The following PCNX2 variants were observed in gnomAD, a reference collection of about 807,000 sequenced individuals.
PCNX2 encodes pecanex-like protein 2.
In PCNX2, 168 loss-of-function variants were observed where a neutral mutation model predicts 223.8. That is an observed-to-expected ratio of 0.75 (90% CI 0.66 to 0.85). PCNX2 has a LOEUF of 0.85. PCNX2 is among the 40% of genes least tolerant of loss of function. The pLI is 0.00. For missense variants in PCNX2, 2,507 were observed against 2,675.5 expected (o/e 0.94, Z 1.39); for synonymous variants, 1,006 against 1,052.6 (o/e 0.96, Z 0.86).
intron 25 of PCNX2, among the ~76,000 whole-genome samples, chr1:233,037,153 A>G (rs967303230): frequency 1.3e-5 from 2 of 152,202 alleles, no homozygotes; most frequent in Admixed American, 6.5e-5. Flanking sequence ...AAGACAGGGA[A>G]ACAGAGTGCT....
the PCNX2 span, among the ~76,000 whole-genome samples, chr1:233,323,439 G>A: frequency 6.6e-6 from 1 of 152,190 alleles, no homozygotes; most frequent in African/African-American, 2.4e-5. Flanking sequence ...TGCAGATACT[G>A]CATTTTTTAC....
intron 6 of PCNX2, 24 bp downstream of exon 6, chr1:233,252,617 C>A (rs745943736): frequency 1.2e-6 from 2 of 1,602,058 alleles, no homozygotes; most frequent in Admixed American, 3.5e-5. Context: ...CCAAGTGAAA[C>A]TAAATTAAGT....
At chr1:233,267,088 G>A (rs376404735) in intron 1 of PCNX2, among the ~76,000 whole-genome samples, 1 of 152,194 alleles carries the variant, frequency 6.6e-6, no homozygotes, top group African/African-American at 2.4e-5. Flanking sequence ...GGAGGCCAAG[G>A]TGGGCGGATC....
At chr1:233,214,383 G>T (rs1244798191) in intron 12 of PCNX2, among the ~76,000 whole-genome samples, 1 of 152,156 alleles carries the variant, frequency 6.6e-6, no homozygotes, top group Non-Finnish European at 1.5e-5. Context: ...GCTGCATTCA[G>T]ATATGAACCC....
At chr1:233,130,272 G>A (rs1315252335) in intron 21 of PCNX2, among the ~76,000 whole-genome samples, 2 of 152,120 alleles carry the variant, frequency 1.3e-5, no homozygotes, top group East Asian at 3.9e-4. Flanking sequence ...GTGAGACCAA[G>A]AACCCACCAA....
At chr1:233,208,383 A>T in intron 13 of PCNX2, 135 bp downstream of exon 13, 2 of 941,930 alleles carry the variant, frequency 2.1e-6, no homozygotes, top group Non-Finnish European at 3.1e-6. Flanking sequence ...AGTCTTCGGT[A>T]GATATGCAAG....
At chr1:233,177,490 C>T (rs1558312789) in intron 17 of PCNX2, among the ~76,000 whole-genome samples, 1 of 152,172 alleles carries the variant, frequency 6.6e-6, no homozygotes, top group Non-Finnish European at 1.5e-5. Context: ...ACCCTGTCTC[C>T]TTTGTTTGGT....
chr1:233,075,051 T>G (rs958955048), intron 23 of PCNX2, among the ~76,000 whole-genome samples: 1 of 152,150 alleles, frequency 6.6e-6, no homozygotes, highest in African/African-American at 2.4e-5. Flanking sequence ...AAAAAAATAC[T>G]ACATTATGAG....
intron 32 of PCNX2, among the ~76,000 whole-genome samples, chr1:232,989,767 G>C (rs1407087510): frequency 6.6e-6 from 1 of 152,198 alleles, no homozygotes. Context: ...CAGAAAGTTC[G>C]GGGTGGGTAC....
intron 1 of PCNX2, 104 bp from the exon 2 acceptor site, chr1:233,263,267 A>ATT: frequency 1.0e-6 from 1 of 956,842 alleles, no homozygotes; most frequent in Non-Finnish European, 1.5e-6. Context: ...TAAATTAGGC[A>ATT]AGATTTCAAA....
intron 23 of PCNX2, among the ~76,000 whole-genome samples, chr1:233,065,000 TA>T (rs1341020555): frequency 6.6e-6 from 1 of 152,200 alleles, no homozygotes; most frequent in East Asian, 1.9e-4. Context: ...GTTAAAAAAC[TA>T]AAATTTTTTT....
At chr1:233,209,756 T>C (rs1681717739) in intron 12 of PCNX2, among the ~76,000 whole-genome samples, 1 of 152,232 alleles carries the variant, frequency 6.6e-6, no homozygotes, top group African/African-American at 2.4e-5. Context: ...CTTGTACTCT[T>C]ATGAAATTTC....
intron 9 of PCNX2, among the ~76,000 whole-genome samples, chr1:233,231,047 C>T (rs899627372): frequency 6.6e-6 from 1 of 152,060 alleles, no homozygotes; most frequent in Non-Finnish European, 1.5e-5. Context: ...TATCTCTAAT[C>T]CTTAAAAGAT....
intron 10 of PCNX2, among the ~76,000 whole-genome samples, chr1:233,221,521 T>A (rs1657380031): frequency 6.6e-6 from 1 of 152,190 alleles, no homozygotes; most frequent in South Asian, 2.1e-4. Flanking sequence ...AGTTTCCTGT[T>A]TATCTATCTT....
intron 25 of PCNX2, among the ~76,000 whole-genome samples, chr1:233,031,384 A>G (rs184161761): frequency 1.2e-3 from 179 of 152,332 alleles, no homozygotes; most frequent in Non-Finnish European, 2.0e-3. Flanking sequence ...AGGCACTAAC[A>G]AAGTTGTTGA....
In PCNX2 at chr1:233,198,794, G is replaced by A. The variant is rs577299465; in HGVS notation, c.3066+145C>T. The A allele has an allele frequency of 1.7e-3, 1,409 of 808,656 alleles. 6 individuals carry two copies. Among genetic ancestry groups the A allele is most frequent in the Non-Finnish European group, 2.6e-3 (1,276 of 499,548 alleles). The allele number at this position is 808,656 out of a possible 1,614,324, so 50.1% of individuals were successfully genotyped here. A position where few individuals can be genotyped will look rare whatever the true frequency, so the allele number is the denominator to read the frequency against. On this transcript the variant is annotated intron_variant, in intron 15 of 33. Coordinates refer to ENST00000258229, the MANE Select transcript of PCNX2 (RefSeq NM_014801.4). ...TCCTGACCTGTCTTCTAACACTACT[G>A]AGGCCTCACTCAGCCACACAGTCAC... is the stretch of plus-strand genomic sequence containing the variant.
chr1:233,198,403 T>C (rs1680859276), intron 15 of PCNX2, among the ~76,000 whole-genome samples: 1 of 152,098 alleles, frequency 6.6e-6, no homozygotes, highest in South Asian at 2.1e-4. Flanking sequence ...TGACACAACT[T>C]TGTGTTTTCT....
intron 1 of PCNX2, among the ~76,000 whole-genome samples, chr1:233,277,883 TG>T (rs1006696793): frequency 1.3e-5 from 2 of 151,944 alleles, no homozygotes; most frequent in Non-Finnish European, 2.9e-5. Flanking sequence ...AAAGGGGAAA[TG>T]GAACCAAGCA....
intron 32 of PCNX2, among the ~76,000 whole-genome samples, chr1:232,987,231 C>G (rs1669526715): frequency 6.6e-6 from 1 of 152,246 alleles, no homozygotes; most frequent in Admixed American, 6.5e-5. Context: ...CTTGTCTAGA[C>G]AAGGCCATTT....
Sources: allele counts gnomAD v4.1 joint callset (sites outside exome capture counted in the v4.1 genomes callset), GRCh38; gene constraint gnomAD v4.1.1; transcripts MANE v1.5; gene names NCBI Gene and HGNC (gene_info 2026-07-23, HGNC 2026-07-21).